SUPT3H: variants seen among roughly 807,000 people sequenced by gnomAD.
SUPT3H encodes SPT3 homolog, SAGA and STAGA complex component.
SUPT3H carries 44 observed loss-of-function variants against 44.3 expected under a neutral mutation model. The ratio of observed to expected loss-of-function variants is 0.99; its 90% CI spans 0.78 to 1.28. The LOEUF (loss-of-function observed/expected upper bound fraction) is 1.28, where lower values mean the gene tolerates loss of function less well. Among genes scored for constraint, SUPT3H ranks in the 50% most tolerant of loss-of-function variants. The pLI is 0.00. For missense variants in SUPT3H, 380 were observed against 387.1 expected (o/e 0.98, Z 0.15); for synonymous variants, 124 against 125.6 (o/e 0.99, Z 0.09).
At chr6:45,075,615 A>C (rs6899845) in intron 3 of SUPT3H, among the ~76,000 whole-genome samples, 61,732 of 151,858 alleles carry the variant, frequency 0.41, 12,939 homozygotes, top group East Asian at 0.71. Context: ...CAGATCTTTC[A>C]CAAGTATGTG....
Position 44,954,604 on chromosome 6 carries a change from T to C in SUPT3H, c.584A>G (p.Lys195Arg). The change falls in exon 8 of 11, where the codon AAA (lysine) becomes AGA (arginine). Residue 195 changes from lysine to arginine, a missense_variant. By Grantham distance (26) the Lys-to-Arg change is conservative. Coordinates refer to ENST00000371459, the MANE Select transcript of SUPT3H (RefSeq NM_003599.4). Reference sequence around the variant, plus strand: ...CCAGTCTCGAAATTTGGAAGCTTTTTTGGCTGGCCATTTAAAAAAAACAAG... The same window carrying C: ...CCAGTCTCGAAATTTGGAAGCTTTTCTGGCTGGCCATTTAAAAAAAACAAG... ...FCESRQLSFSKKASKFRDWLD... is the reference protein window; with the variant it reads ...FCESRQLSFSRKASKFRDWLD... 6.2e-7 allele frequency: 1 copy of C among 1,608,268 alleles called. No individual in the cohort carries two copies. Among genetic ancestry groups the C allele is most frequent in the Middle Eastern group, 1.7e-4 (1 of 6,050 alleles).
chr6:45,241,988 T>C (rs927533867), intron 2 of SUPT3H, among the ~76,000 whole-genome samples: 25 of 152,310 alleles, frequency 1.6e-4, no homozygotes, highest in African/African-American at 6.0e-4. Flanking sequence ...TAAAACATGA[T>C]TAATAAGAAA....
At chr6:45,373,502 G>T (rs1006805248) in intron 1 of SUPT3H, among the ~76,000 whole-genome samples, 1 of 152,046 alleles carries the variant, frequency 6.6e-6, no homozygotes, top group African/African-American at 2.4e-5. Flanking sequence ...AATATATTGT[G>T]ACCAGATCAA....
intron 2 of SUPT3H, among the ~76,000 whole-genome samples, chr6:45,218,867 G>A (rs1210941138): frequency 6.6e-6 from 1 of 152,052 alleles, no homozygotes; most frequent in Non-Finnish European, 1.5e-5. Flanking sequence ...GATAGACCAC[G>A]TCCTGAGCCA....
chr6:45,011,761 CTT>C (rs1013343215), intron 5 of SUPT3H, among the ~76,000 whole-genome samples: 41 of 152,116 alleles, frequency 2.7e-4, no homozygotes, highest in African/African-American at 9.6e-4. Flanking sequence ...GACAACTATA[CTT>C]TCTCTTATAT....
At chr6:45,348,399 G>A (rs1236775545) in intron 2 of SUPT3H, among the ~76,000 whole-genome samples, 1 of 151,088 alleles carries the variant, frequency 6.6e-6, no homozygotes, top group East Asian at 1.9e-4. Flanking sequence ...AGGCACGGTG[G>A]CTCACGCCTG....
intron 1 of SUPT3H, chr6:45,371,751 A>T (rs1173419595): frequency 6.6e-6 from 5 of 756,928 alleles, no homozygotes; most frequent in Non-Finnish European, 6.4e-6. Flanking sequence ...TTTAAAAGAA[A>T]ATCTTAGGTA....
intron 2 of SUPT3H, among the ~76,000 whole-genome samples, chr6:45,290,978 G>T (rs1242629069): frequency 1.3e-5 from 2 of 152,134 alleles, no homozygotes; most frequent in Non-Finnish European, 2.9e-5. Context: ...TTTTGCTCCA[G>T]AACGACTGCA....
At chr6:44,920,591 A>G (rs534839878) in intron 10 of SUPT3H, among the ~76,000 whole-genome samples, 71 of 151,978 alleles carry the variant, frequency 4.7e-4, no homozygotes, top group African/African-American at 1.7e-3. Context: ...AAAGACAGAA[A>G]AGGAAAAAGA....
chr6:44,830,476 C>T (rs553112247), intron 10 of SUPT3H, among the ~76,000 whole-genome samples: 2 of 152,126 alleles, frequency 1.3e-5, no homozygotes, highest in East Asian at 3.9e-4. Context: ...TAAAATACTC[C>T]CATAAAAGAA....
intron 2 of SUPT3H, among the ~76,000 whole-genome samples, chr6:45,168,479 G>C (rs1389969425): frequency 5.9e-5 from 9 of 151,924 alleles, no homozygotes; most frequent in African/African-American, 2.2e-4. Flanking sequence ...GACCACCTTG[G>C]GCACATGTTC....
At chr6:45,158,310 T>A (rs1808341103) in intron 2 of SUPT3H, among the ~76,000 whole-genome samples, 1 of 126,518 alleles carries the variant, frequency 7.9e-6, no homozygotes, top group Admixed American at 7.9e-5. Context: ...TTTTTTTTTT[T>A]TTTTTTTGAG....
At chr6:45,240,106 A>G (rs923526658) in intron 2 of SUPT3H, among the ~76,000 whole-genome samples, 8 of 152,112 alleles carry the variant, frequency 5.3e-5, no homozygotes, top group African/African-American at 1.7e-4. Flanking sequence ...CCAGGCCAAA[A>G]CCAGCAGCCA....
At chr6:45,323,032 C>T (rs1382435854) in intron 2 of SUPT3H, 4 of 942,640 alleles carry the variant, frequency 4.2e-6, no homozygotes, top group South Asian at 1.8e-5. Context: ...GACAGACATA[C>T]GATGATATTC....
At chr6:44,924,431 T>G (rs1367837785) in intron 10 of SUPT3H, among the ~76,000 whole-genome samples, 1 of 152,122 alleles carries the variant, frequency 6.6e-6, no homozygotes, top group Admixed American at 6.6e-5. Context: ...CTTACACAAA[T>G]ACAGACTTAA....
chr6:45,281,864 T>C (rs1411295043), intron 2 of SUPT3H, among the ~76,000 whole-genome samples: 5 of 152,134 alleles, frequency 3.3e-5, no homozygotes, highest in East Asian at 3.9e-4. Flanking sequence ...ACACCTCACA[T>C]GGCCGGGTAC....
At chr6:44,956,612 T>C (rs1775260053) in intron 7 of SUPT3H, among the ~76,000 whole-genome samples, 1 of 152,098 alleles carries the variant, frequency 6.6e-6, no homozygotes, top group South Asian at 2.1e-4. Context: ...TTTCCGGTTA[T>C]GAAGATGTCT....
At chr6:44,814,896 C>G (rs1442093068) in intron 11 of SUPT3H, among the ~76,000 whole-genome samples, 2 of 152,110 alleles carry the variant, frequency 1.3e-5, no homozygotes, top group Non-Finnish European at 2.9e-5. Context: ...AGGCTGGTTT[C>G]AAACTCTTGG....
At chr6:44,845,005 A>G (rs1307359113) in intron 10 of SUPT3H, among the ~76,000 whole-genome samples, 1 of 152,172 alleles carries the variant, frequency 6.6e-6, no homozygotes, top group Non-Finnish European at 1.5e-5. Flanking sequence ...TTGGACTTGA[A>G]CAGTACTAGA....
Sources: gnomAD v4.1 joint callset for allele counts (sites outside exome capture counted in the v4.1 genomes callset) on GRCh38, gnomAD v4.1.1 for gene constraint, MANE v1.5 for transcripts, NCBI Gene and HGNC (gene_info 2026-07-23, HGNC 2026-07-21) for gene names.